Variants in IPO11 observed in about 807,000 individuals in gnomAD.
IPO11 encodes the protein importin-11.
A neutral mutation model predicts 143.2 loss-of-function variants in IPO11; 66 were observed. The ratio of observed to expected loss-of-function variants is 0.46; its 90% CI spans 0.38 to 0.57. IPO11 has a LOEUF of 0.57. Among genes scored for constraint, IPO11 ranks in the 20% least tolerant of loss-of-function variants. The probability of loss-of-function intolerance (pLI) is 0.00; values close to 1 mark genes in which losing one functional copy is unlikely to be tolerated. For missense variants in IPO11, 1,026 were observed against 1,141.0 expected (o/e 0.90, Z 1.45); for synonymous variants, 385 against 377.8 (o/e 1.02, Z -0.22).
chr5:62,507,458 CATTTT>C (rs1021110437), intron 19 of IPO11, among the ~76,000 whole-genome samples: 1 of 152,122 alleles, frequency 6.6e-6, no homozygotes, highest in African/African-American at 2.4e-5. Context: ...TTTAAGAACT[CATTTT>C]AAGTCCTTGC....
chr5:62,451,673 G>A (rs2441115), intron 4 of IPO11, 57 bp from the exon 5 acceptor site: 98,653 of 1,270,172 alleles, frequency 0.078, 4,504 homozygotes, highest in East Asian at 0.12. Context: ...ATTTGTCACC[G>A]TGAATGCATT....
chr5:62,424,621 A>T (rs1312036404), intron 1 of IPO11, among the ~76,000 whole-genome samples: 2 of 146,474 alleles, frequency 1.4e-5, no homozygotes, highest in African/African-American at 5.1e-5. Flanking sequence ...TTTTGTAGAG[A>T]TGGGGTCTTG....
chr5:62,488,887 T>C (rs1746507100), intron 13 of IPO11, among the ~76,000 whole-genome samples: 1 of 152,016 alleles, frequency 6.6e-6, no homozygotes, highest in South Asian at 2.1e-4. Flanking sequence ...CCTGTAGTCC[T>C]AGCTATTCAG....
chr5:62,483,161 G>A lies in IPO11; in HGVS notation c.889G>A (p.Glu297Lys), dbSNP rs757835275. 6 of 1,610,262 alleles carry A rather than the reference G, an allele frequency of 3.7e-6. No homozygotes were observed. The highest frequency in any genetic ancestry group is 5.1e-6 in the Non-Finnish European group (6 of 1,177,526). Residue 297 changes from glutamate to lysine, a missense_variant, in exon 10 of 30, where the codon GAA becomes AAA. By Grantham distance (56) the Glu-to-Lys change is moderately conservative. Transcript: ENST00000325324. ...TACTCCTCTAATTCAGAGATCACTG[G>A]AATTTTCTGTAAGCTATGTTTTTAC... ...SFTPLIQRSL[E>K]FSVSYVFTEV...
At chr5:62,555,686 G>C (rs1265561367) in intron 26 of IPO11, among the ~76,000 whole-genome samples, 1 of 151,990 alleles carries the variant, frequency 6.6e-6, no homozygotes, top group East Asian at 1.9e-4. Flanking sequence ...TGTATTTTTA[G>C]TAGAGACGGG....
intron 29 of IPO11, among the ~76,000 whole-genome samples, chr5:62,614,656 C>A (rs1746061266): frequency 6.6e-6 from 1 of 152,202 alleles, no homozygotes; most frequent in Non-Finnish European, 1.5e-5. Context: ...TGGGCTCCAG[C>A]CCCATGACAA....
intron 19 of IPO11, among the ~76,000 whole-genome samples, chr5:62,513,619 T>A (rs1741875752): frequency 7.3e-6 from 1 of 137,628 alleles, no homozygotes; most frequent in Non-Finnish European, 1.6e-5. Flanking sequence ...GACTCCTCAC[T>A]TCCCAGTAGG....
At chr5:62,598,491 T>TGAG (rs1745345719) in intron 28 of IPO11, among the ~76,000 whole-genome samples, 1 of 6,064 alleles carries the variant, frequency 1.6e-4, no homozygotes, top group Non-Finnish European at 2.5e-4. Context: ...TCTCTCTCTC[T>TGAG]CTCTTTCTTT....
intron 24 of IPO11, among the ~76,000 whole-genome samples, chr5:62,548,683 G>A (rs1229098097): frequency 6.6e-6 from 1 of 152,010 alleles, no homozygotes; most frequent in Non-Finnish European, 1.5e-5. Context: ...CTTCCCAAAA[G>A]TATAAGATTC....
intron 13 of IPO11, 72 bp downstream of exon 13, chr5:62,487,933 A>G (rs544155839): frequency 4.0e-6 from 5 of 1,253,066 alleles, no homozygotes; most frequent in African/African-American, 3.0e-5. Flanking sequence ...CTGAGTGCCT[A>G]CAATGCATAC....
chr5:62,549,573 A>G (rs930554730), intron 24 of IPO11, among the ~76,000 whole-genome samples: 25 of 152,164 alleles, frequency 1.6e-4, no homozygotes, highest in Admixed American at 5.2e-4. Context: ...CCTTGCCCAT[A>G]ACCCTCTCAG....
chr5:62,533,965 A>AG (rs1742645632), intron 22 of IPO11, among the ~76,000 whole-genome samples: 1 of 15,298 alleles, frequency 6.5e-5, no homozygotes, highest in South Asian at 2.7e-3. Flanking sequence ...AAAAAAAAAA[A>AG]AAGAAAGCCA....
chr5:62,603,529 G>GT (rs1184303002), intron 29 of IPO11, among the ~76,000 whole-genome samples: 2 of 152,242 alleles, frequency 1.3e-5, no homozygotes, highest in Non-Finnish European at 2.9e-5. Context: ...GCTGGAGCCT[G>GT]TCCTAGCAGC....
intron 24 of IPO11, among the ~76,000 whole-genome samples, chr5:62,549,268 T>G (rs1169432008): frequency 6.6e-6 from 1 of 152,166 alleles, no homozygotes; most frequent in Non-Finnish European, 1.5e-5. Context: ...AATCTTTTAT[T>G]TGGACCTTAC....
intron 24 of IPO11, among the ~76,000 whole-genome samples, chr5:62,540,978 A>T (rs1326889604): frequency 4.6e-5 from 7 of 152,244 alleles, no homozygotes. Context: ...AAGTACATTA[A>T]TTAAATTTAC....
In IPO11 at chr5:62,435,188, A is replaced by G. The variant is rs1462198348; in HGVS notation, c.-6-2086A>G. ...TATATATATGTATATATGTATATAT[A>G]TGTATATATATGTATATATATGTGT... On this transcript the variant is annotated intron_variant, in intron 1 of 29. Coordinates refer to ENST00000325324, the MANE Select transcript of IPO11 (RefSeq NM_016338.5). 6.5e-4 allele frequency among the ~76,000 whole-genome samples: 75 copies of G among 116,194 alleles called. 1 individual carries two copies. The highest frequency in any genetic ancestry group is 8.8e-4 in the Non-Finnish European group (51 of 57,848). The allele number at this position is 116,194 out of a possible 152,430, so 76.2% of individuals were successfully genotyped here.
intron 15 of IPO11, among the ~76,000 whole-genome samples, chr5:62,491,345 G>A (rs1437638337): frequency 6.6e-6 from 1 of 152,108 alleles, no homozygotes; most frequent in Non-Finnish European, 1.5e-5. Context: ...CCTATAGGCG[G>A]TGTTAAATAA....
At chr5:62,483,445 T>A in intron 10 of IPO11, 152 bp downstream of exon 10, 1 of 569,378 alleles carries the variant, frequency 1.8e-6, no homozygotes, top group Non-Finnish European at 3.0e-6. Flanking sequence ...TAGGCTTTAG[T>A]ATGTTTATAC....
intron 2 of IPO11, among the ~76,000 whole-genome samples, chr5:62,441,311 G>A (rs917040065): frequency 6.6e-5 from 10 of 150,912 alleles, no homozygotes; most frequent in Non-Finnish European, 1.5e-4. Context: ...TGATTCTCCT[G>A]CCTCAGCCTC....
Sources: allele counts gnomAD v4.1 joint callset (sites outside exome capture counted in the v4.1 genomes callset), GRCh38; gene constraint gnomAD v4.1.1; transcripts MANE v1.5; gene names NCBI Gene and HGNC (gene_info 2026-07-23, HGNC 2026-07-21).